Variants in PDE4D observed in about 807,000 individuals in gnomAD.
PDE4D encodes 3',5'-cyclic-AMP phosphodiesterase 4D.
A neutral mutation model predicts 87.4 loss-of-function variants in PDE4D; 24 were observed. The ratio of observed to expected loss-of-function variants is 0.27; its 90% CI spans 0.20 to 0.39. PDE4D has a LOEUF of 0.39. Among genes scored for constraint, PDE4D ranks in the 10% least tolerant of loss-of-function variants. PDE4D has a pLI of 1.00. For missense variants in PDE4D, 714 were observed against 1,041.0 expected (o/e 0.69, Z 4.32); for synonymous variants, 384 against 383.2 (o/e 1.00, Z -0.02).
chr5:59,783,333 T>C (rs1400401882), intron 1 of PDE4D, among the ~76,000 whole-genome samples: 1 of 152,188 alleles, frequency 6.6e-6, no homozygotes, highest in Non-Finnish European at 1.5e-5. Context: ...GTTATTCCCA[T>C]GTGTAGTCAA....
chr5:59,247,588 C>T (rs1759110673), intron 1 of PDE4D, among the ~76,000 whole-genome samples: 1 of 152,078 alleles, frequency 6.6e-6, no homozygotes, highest in Non-Finnish European at 1.5e-5. Context: ...ATGTAGGCTT[C>T]ATATGTTACT....
intron 5 of PDE4D, among the ~76,000 whole-genome samples, chr5:59,150,110 G>A (rs1181977650): frequency 6.6e-6 from 1 of 152,092 alleles, no homozygotes; most frequent in Non-Finnish European, 1.5e-5. Flanking sequence ...ATAGTGTGGT[G>A]GTGGCAGCCT....
At chr5:60,091,822 A>G (rs1027778259) in intron 2 of PDE4D, among the ~76,000 whole-genome samples, 6 of 151,868 alleles carry the variant, frequency 4.0e-5, no homozygotes, top group Admixed American at 3.3e-4. Flanking sequence ...GGAGGCCGAG[A>G]CAGGCGGATC....
chr5:59,029,145 G>A (rs1756799564), intron 6 of PDE4D, among the ~76,000 whole-genome samples: 1 of 151,834 alleles, frequency 6.6e-6, no homozygotes, highest in Non-Finnish European at 1.5e-5. Context: ...AGGCGTGGTG[G>A]CTCACTCCTG....
chr5:60,468,140 T>TTTTTTTG (rs1209309467), intron 1 of PDE4D, among the ~76,000 whole-genome samples: 7 of 140,216 alleles, frequency 5.0e-5, no homozygotes, highest in African/African-American at 1.6e-4. Context: ...CTTTTTTCTT[T>TTTTTTTG]TTTTTTTGTT....
intron 1 of PDE4D, among the ~76,000 whole-genome samples, chr5:59,433,490 C>T (rs973297131): frequency 5.9e-5 from 9 of 151,998 alleles, no homozygotes; most frequent in Admixed American, 1.3e-4. Context: ...ATCTTTCTAT[C>T]GTCAACAATT....
At chr5:59,101,445 C>T (rs1280354395) in intron 5 of PDE4D, among the ~76,000 whole-genome samples, 1 of 152,030 alleles carries the variant, frequency 6.6e-6, no homozygotes, top group African/African-American at 2.4e-5. Flanking sequence ...GATGACAGGC[C>T]TTATGTTTAT....
At chr5:60,070,705 C>T (rs1582499443) in intron 2 of PDE4D, among the ~76,000 whole-genome samples, 3 of 152,098 alleles carry the variant, frequency 2.0e-5, no homozygotes, top group Admixed American at 2.0e-4. Context: ...TGAATTTGGA[C>T]ATGTTCCCTC....
intron 1 of PDE4D, among the ~76,000 whole-genome samples, chr5:59,881,327 C>T (rs971202551): frequency 2.0e-5 from 3 of 152,072 alleles, no homozygotes; most frequent in African/African-American, 7.2e-5. Context: ...CACAAAATAA[C>T]ATTGAAATTA....
intron 1 of PDE4D, among the ~76,000 whole-genome samples, chr5:59,248,418 C>A (rs1426049586): frequency 6.6e-6 from 1 of 151,680 alleles, no homozygotes; most frequent in Admixed American, 6.6e-5. Context: ...CCACCTACCA[C>A]CCAGTCCCAT....
intron 2 of PDE4D, among the ~76,000 whole-genome samples, chr5:60,104,291 G>T (rs1346807037): frequency 2.0e-5 from 3 of 152,228 alleles, no homozygotes; most frequent in Non-Finnish European, 4.4e-5. Flanking sequence ...ACTGCAAGGT[G>T]GCAGCGAGGC....
At chr5:60,311,311 C>T (rs774294926) in intron 1 of PDE4D, among the ~76,000 whole-genome samples, 6 of 152,286 alleles carry the variant, frequency 3.9e-5, no homozygotes, top group African/African-American at 9.6e-5. Flanking sequence ...CGTGAGCCAC[C>T]GCGCCCGGCT....
chr5:59,336,863 G>T (rs563259357), intron 1 of PDE4D, among the ~76,000 whole-genome samples: 1 of 152,144 alleles, frequency 6.6e-6, no homozygotes, highest in African/African-American at 2.4e-5. Flanking sequence ...AGCCCAGTGC[G>T]CTGGCTTCCT....
At chr5:60,212,247 A>G (rs1215836389) in intron 1 of PDE4D, among the ~76,000 whole-genome samples, 2 of 152,152 alleles carry the variant, frequency 1.3e-5, no homozygotes, top group Non-Finnish European at 2.9e-5. Flanking sequence ...TTGCCTGCTT[A>G]GCATCCATTT....
rs181283441 is a variant in PDE4D, at chr5:59,036,295, G to T, written c.921+2564C>A. On this transcript the variant is annotated intron_variant, in intron 6 of 14. Transcript: ENST00000340635. Reference sequence around the variant, plus strand: ...TAGAGTAAATTTTTTAAAACCTCAAGAGAGAACACAGAAAACTGTCATAAT... The same window carrying T: ...TAGAGTAAATTTTTTAAAACCTCAATAGAGAACACAGAAAACTGTCATAAT... 3.8e-3 allele frequency among the ~76,000 whole-genome samples: 576 copies of T among 152,296 alleles called. 2 individuals carry two copies. Among genetic ancestry groups the T allele is most frequent in the Non-Finnish European group, 6.3e-3 (431 of 68,012 alleles).
chr5:59,741,666 A>C (rs150909044), intron 1 of PDE4D, among the ~76,000 whole-genome samples: 1 of 152,316 alleles, frequency 6.6e-6, no homozygotes, highest in East Asian at 1.9e-4. Flanking sequence ...TACTGACTAC[A>C]TGTCTAAAAG....
chr5:59,519,638 C>T (rs1811834100), intron 1 of PDE4D, among the ~76,000 whole-genome samples: 1 of 152,194 alleles, frequency 6.6e-6, no homozygotes, highest in Non-Finnish European at 1.5e-5. Context: ...AGAAGTTTAA[C>T]AGACATAGCA....
At chr5:60,315,878 T>G (rs936119946) in intron 1 of PDE4D, among the ~76,000 whole-genome samples, 18 of 152,150 alleles carry the variant, frequency 1.2e-4, no homozygotes, top group African/African-American at 4.3e-4. Context: ...CATGCTGTTT[T>G]GGTGACTGTA....
intron 1 of PDE4D, among the ~76,000 whole-genome samples, chr5:59,463,711 T>C (rs914014814): frequency 6.6e-6 from 1 of 152,228 alleles, no homozygotes; most frequent in African/African-American, 2.4e-5. Flanking sequence ...TACTTGGATG[T>C]TCAAGTCAAC....
Sources: allele counts gnomAD v4.1 joint callset (sites outside exome capture counted in the v4.1 genomes callset), GRCh38; gene constraint gnomAD v4.1.1; transcripts MANE v1.5; gene names NCBI Gene and HGNC (gene_info 2026-07-23, HGNC 2026-07-21).